DNAJB1: variants seen among roughly 807,000 people sequenced by gnomAD.
The protein encoded by DNAJB1 is dnaJ homolog subfamily B member 1.
DNAJB1 carries 14 observed loss-of-function variants against 24.0 expected under a neutral mutation model. The observed-to-expected ratio is 0.58, with a 90% CI of 0.39 to 0.91. DNAJB1 has a LOEUF of 0.91. Ranked by LOEUF, DNAJB1 falls within the 40% of genes least tolerant of loss-of-function variation. The probability of loss-of-function intolerance (pLI) is 0.00; values close to 1 mark genes in which losing one functional copy is unlikely to be tolerated. For synonymous variants in DNAJB1, 262 were observed against 174.4 expected (o/e 1.50, Z -3.96); for missense variants, 517 against 458.1 (o/e 1.13, Z -1.17).
At chr19:14,527,416 G>A (rs1445803809) in intron 2 of DNAJB1, 1 of 152,066 alleles carries the variant, frequency 6.6e-6, no homozygotes, top group East Asian at 1.9e-4. Context: ...CTGACCTCAG[G>A]TGATCCTCCT....
In DNAJB1 at chr19:14,517,816, GC is replaced by G. The variant is rs2072300068; in HGVS notation, c.211+322del. On this transcript the variant is annotated intron_variant, in intron 1 of 2. Transcript: ENST00000254322. ...TGAGCCCGGGTCCGCAGCGGGCTCCGCCGCGCCGTCCCCGTCGTCACCCCCG... is the reference window on the plus strand; with the variant it reads ...TGAGCCCGGGTCCGCAGCGGGCTCCGCGCGCCGTCCCCGTCGTCACCCCCG... The G allele has an allele frequency of 1.6e-5, 4 of 257,136 alleles. No homozygotes were observed. The East Asian group carries it at 2.7e-4, about 18-fold the overall frequency. 15.9% of individuals were successfully genotyped at this position (257,136 alleles called of 1,614,324 possible).
chr19:14,522,241 T>C (rs1425844819), upstream of DNAJB1, among the ~76,000 whole-genome samples: 1 of 152,070 alleles, frequency 6.6e-6, no homozygotes, highest in Non-Finnish European at 1.5e-5. Context: ...ACGTCTACAG[T>C]TGCTTGACTT....
chr19:14,520,712 G>C (rs2072350178), upstream of DNAJB1, among the ~76,000 whole-genome samples: 1 of 152,188 alleles, frequency 6.6e-6, no homozygotes, highest in South Asian at 2.1e-4. Flanking sequence ...TTACTAGGCT[G>C]GGCACAGTGG....
chr19:14,522,474 ACT>A (rs1481146356), upstream of DNAJB1, among the ~76,000 whole-genome samples: 2 of 135,760 alleles, frequency 1.5e-5, no homozygotes, highest in East Asian at 2.1e-4. Flanking sequence ...ACAGAGCAAG[ACT>A]CTGTCTCGAA....
chr19:14,553,772 CT>C (rs1040733710), upstream of DNAJB1, among the ~76,000 whole-genome samples: 2 of 152,124 alleles, frequency 1.3e-5, no homozygotes, highest in Non-Finnish European at 2.9e-5. Context: ...CCTCCGACCT[CT>C]ATGCTGGGCA....
At chr19:14,533,771 G>C (rs2072760429), upstream of DNAJB1, among the ~76,000 whole-genome samples, 1 of 152,124 alleles carries the variant, frequency 6.6e-6, no homozygotes, top group Admixed American at 6.6e-5. Context: ...CTCTAGAACG[G>C]GTCACCTCCA....
chr19:14,542,374 T>TTTTTTTTC (rs1469315066), intron 1 of DNAJB1, among the ~76,000 whole-genome samples: 4 of 117,182 alleles, frequency 3.4e-5, no homozygotes, highest in African/African-American at 1.0e-4. Context: ...TTTTTTTTTT[T>TTTTTTTTC]TTCTGAGATG....
rs775823225 is a variant in DNAJB1 at position 14,517,091 on chromosome 19, T to A, written c.212-45A>T. On this transcript the variant is annotated intron_variant, in intron 1 of 2. Coordinates refer to ENST00000254322, the MANE Select transcript of DNAJB1 (RefSeq NM_006145.3). ...GCAGTCAGATGGCTGAACAGCAGAC[T>A]CTCTCTCGAGCTTCCCTTACAGGGG... 7 of 1,552,066 alleles carry A rather than the reference T, an allele frequency of 4.5e-6. No individual in the cohort carries two copies. The Admixed American group carries it at 9.2e-5, about 20-fold the overall frequency.
chr19:14,541,945 T>C (rs1008322580), intron 1 of DNAJB1, among the ~76,000 whole-genome samples: 1 of 151,990 alleles, frequency 6.6e-6, no homozygotes, highest in African/African-American at 2.4e-5. Context: ...CCACCACGCC[T>C]GGCGTATTTT....
intron 1 of DNAJB1, among the ~76,000 whole-genome samples, chr19:14,556,038 C>G (rs1272568870): frequency 6.6e-6 from 1 of 152,204 alleles, no homozygotes; most frequent in African/African-American, 2.4e-5. Context: ...CAAGAACCCT[C>G]TATGGCTGCC....
chr19:14,531,438 T>A (rs1568391282), upstream of DNAJB1: 2 of 152,168 alleles, frequency 1.3e-5, no homozygotes, highest in Non-Finnish European at 2.9e-5. Context: ...AAGCCTTTTT[T>A]TGAGACGGAG....
chr19:14,539,747 G>T (rs1045163576), intron 1 of DNAJB1, among the ~76,000 whole-genome samples: 1 of 151,846 alleles, frequency 6.6e-6, no homozygotes, highest in Non-Finnish European at 1.5e-5. Context: ...TCGTGTTACC[G>T]AGCGCTCAGC....
At chr19:14,525,873 C>T (rs2072415955) in intron 2 of DNAJB1, among the ~76,000 whole-genome samples, 1 of 151,942 alleles carries the variant, frequency 6.6e-6, no homozygotes, top group Non-Finnish European at 1.5e-5. Context: ...GGAAACCTCT[C>T]TCTGGGATTC....
intron 1 of DNAJB1, among the ~76,000 whole-genome samples, chr19:14,555,664 C>T (rs1367704887): frequency 6.6e-6 from 1 of 152,040 alleles, no homozygotes; most frequent in Non-Finnish European, 1.5e-5. Context: ...TGGTCTCGAA[C>T]TCCTGACCTC....
intron 1 of DNAJB1, among the ~76,000 whole-genome samples, chr19:14,538,537 T>C (rs886593275): frequency 1.2e-4 from 1 of 8,172 alleles, no homozygotes; most frequent in Non-Finnish European, 4.0e-4. Flanking sequence ...CTTTTTTTTC[T>C]TTTTTTTTTT....
intron 1 of DNAJB1, among the ~76,000 whole-genome samples, chr19:14,541,426 T>TTG (rs2073093635): frequency 6.6e-6 from 1 of 152,328 alleles, no homozygotes; most frequent in Admixed American, 6.5e-5. Context: ...ACCGCACAGG[T>TTG]TGTGGGCAGG....
chr19:14,521,420 C>G (rs2072357655), upstream of DNAJB1, among the ~76,000 whole-genome samples: 1 of 151,328 alleles, frequency 6.6e-6, no homozygotes, highest in Admixed American at 6.6e-5. Flanking sequence ...GATCGTGCCA[C>G]TGTGCTCCAG....
chr19:14,543,639 C>G (rs546494689), intron 1 of DNAJB1, among the ~76,000 whole-genome samples: 1 of 149,546 alleles, frequency 6.7e-6, no homozygotes, highest in Non-Finnish European at 1.5e-5. Flanking sequence ...GGGGTTTCAC[C>G]GTGTTAGCCA....
At chr19:14,545,132 A>G (rs957043037) in intron 1 of DNAJB1, 6 of 456,720 alleles carry the variant, frequency 1.3e-5, no homozygotes, top group South Asian at 3.1e-5. Flanking sequence ...TGATTCTTCA[A>G]GAAACCAAAG....
Sources: allele counts gnomAD v4.1 joint callset (sites outside exome capture counted in the v4.1 genomes callset), GRCh38; gene constraint gnomAD v4.1.1; transcripts MANE v1.5; gene names NCBI Gene and HGNC (gene_info 2026-07-23, HGNC 2026-07-21).